ASMT: variants seen among roughly 807,000 people sequenced by gnomAD.
The protein encoded by ASMT is acetylserotonin N-methyltransferase.
ASMT carries 53 observed loss-of-function variants against 41.3 expected under a neutral mutation model. The ratio of observed to expected loss-of-function variants is 1.28; its 90% CI spans 1.03 to 1.61. The LOEUF (loss-of-function observed/expected upper bound fraction) is 1.61. Ranked by LOEUF, ASMT falls within the 40% of genes most tolerant of loss-of-function variation. The probability of loss-of-function intolerance (pLI) is 0.00; values close to 1 mark genes in which losing one functional copy is unlikely to be tolerated. For missense variants in ASMT, 531 were observed against 441.3 expected (o/e 1.20, Z -1.82); for synonymous variants, 231 against 184.8 (o/e 1.25, Z -2.03).
chrX:1,632,974 A>G (rs1170288059), intron 6 of ASMT, 176 bp from the exon 7 acceptor site: 2 of 190,848 alleles, frequency 1.0e-5, no homozygotes, highest in Admixed American at 1.3e-4. Flanking sequence ...ACAAAACCGC[A>G]TGTTCTGCAC....
In ASMT at chrX:1,633,298, T is replaced by C. The variant is rs1256659246; in HGVS notation, c.787+8T>C. On this transcript the variant is annotated splice_region_variant and intron_variant, in intron 7 of 8. Coordinates refer to ENST00000381241, the MANE Select transcript of ASMT (RefSeq NM_001171038.2). Reference sequence around the variant, plus strand: ...AGATTGACTTCCAGGAAGGTGTGTTTGTGTCCGTGGGGAAGCAGAGATGTG... The same window carrying C: ...AGATTGACTTCCAGGAAGGTGTGTTCGTGTCCGTGGGGAAGCAGAGATGTG... The C allele has an allele frequency of 6.2e-7, 1 of 1,613,898 alleles. No individual in the cohort carries two copies. The highest frequency in any genetic ancestry group is 2.2e-5 in the East Asian group (1 of 44,874).
intron 1 of ASMT, among the ~76,000 whole-genome samples, chrX:1,617,083 G>C (rs1381617084): frequency 1.3e-5 from 2 of 152,160 alleles, no homozygotes; most frequent in Non-Finnish European, 1.5e-5. Context: ...TGAGGCGGGA[G>C]GATCGCTTAA....
intron 5 of ASMT, among the ~76,000 whole-genome samples, chrX:1,630,241 C>T (rs1158320139): frequency 6.6e-6 from 1 of 151,310 alleles, no homozygotes; most frequent in African/African-American, 2.4e-5. Context: ...TCAAGCGATT[C>T]TCCTGCCTCA....
chrX:1,616,460 A>ACT (rs1569368163), intron 1 of ASMT, among the ~76,000 whole-genome samples: 1 of 151,166 alleles, frequency 6.6e-6, no homozygotes, highest in Non-Finnish European at 1.5e-5. Context: ...CTGCGGAGGG[A>ACT]GTGTTTAACG....
At chrX:1,626,499 G>T (rs769798198) in intron 3 of ASMT, among the ~76,000 whole-genome samples, 1 of 152,162 alleles carries the variant, frequency 6.6e-6, no homozygotes. Context: ...CTCCCAGAGT[G>T]TTAGGATTAT....
chrX:1,616,025 C>T (rs1459475164), intron 1 of ASMT, among the ~76,000 whole-genome samples: 1 of 143,796 alleles, frequency 7.0e-6, no homozygotes, highest in East Asian at 2.1e-4. Flanking sequence ...AGCAACACCT[C>T]ATTCCTTTTT....
intron 4 of ASMT, among the ~76,000 whole-genome samples, chrX:1,628,227 A>G (rs1220148466): frequency 1.3e-5 from 2 of 152,218 alleles, no homozygotes; most frequent in Non-Finnish European, 2.9e-5. Flanking sequence ...AGGCTGAGGC[A>G]GGAGAACTGC....
chrX:1,615,930 G>GTA (rs200302651), intron 1 of ASMT, among the ~76,000 whole-genome samples: 9,864 of 152,144 alleles, frequency 0.065, 362 homozygotes, highest in Non-Finnish European at 0.078. Context: ...TGATAGAGTA[G>GTA]TATATGTGGT....
In ASMT at chrX:1,629,931, A is replaced by C. The variant is rs1385321044; in HGVS notation, c.554A>C (p.Asp185Ala). Reference protein sequence around the residue: ...FDLSVFPLMCDLGGTWIKLET... With the variant: ...FDLSVFPLMCALGGTWIKLET... ...CTGTCAGTGTTCCCACTTATGTGTG[A>C]CCTTGGTGGTAAGTACCCCTCACCA... Residue 185 changes from aspartate to alanine, a missense_variant, in exon 5 of 9, where the codon GAC (aspartate) becomes GCC (alanine). Transcript: ENST00000381241. The C allele has an allele frequency of 6.2e-7, 1 of 1,613,736 alleles. No homozygotes were observed. The highest frequency in any genetic ancestry group is 1.7e-5 in the Admixed American group (1 of 59,990).
chrX:1,623,350 T>C (rs1292471090), intron 2 of ASMT, 37 bp downstream of exon 2: 8 of 1,612,440 alleles, frequency 5.0e-6, no homozygotes, highest in Non-Finnish European at 6.8e-6. Context: ...GCATTTTACA[T>C]AGACACCCTC....
chrX:1,621,464 C>T (rs1325528246), intron 1 of ASMT, among the ~76,000 whole-genome samples: 1 of 151,354 alleles, frequency 6.6e-6, no homozygotes, highest in Non-Finnish European at 1.5e-5. Flanking sequence ...ACTACAGGCT[C>T]ACACCACCAT....
intron 3 of ASMT, among the ~76,000 whole-genome samples, chrX:1,627,225 C>G (rs1286588553): frequency 6.9e-6 from 1 of 145,874 alleles, no homozygotes; most frequent in Non-Finnish European, 1.5e-5. Flanking sequence ...ACTCGGGAGG[C>G]TGAGGTAGGA....
intron 7 of ASMT, among the ~76,000 whole-genome samples, chrX:1,633,540 G>A (rs1257959932): frequency 6.1e-4 from 92 of 151,908 alleles, no homozygotes; most frequent in Admixed American, 2.0e-3. Context: ...CAGTGGTGCA[G>A]TCTCGGCTCA....
intron 1 of ASMT, among the ~76,000 whole-genome samples, chrX:1,615,681 A>T (rs1330660926): frequency 6.6e-6 from 1 of 151,958 alleles, no homozygotes. Context: ...ACATGCCTAT[A>T]ATCCCAGCTA....
Position 1,624,327 on chromosome X carries a change from A to T in ASMT, c.303A>T (p.Ser101=). The change falls in exon 3 of 9, where the codon TCA becomes TCT. Residue 101 remains serine, a synonymous_variant. Transcript: ENST00000381241. ...SDYLTTVSPT[S]QCSMLKYMGR... ...ACCTGACCACGGTCAGCCCGACGTC[A>T]CAATGCAGCATGCTGAAGTACATGG... is the stretch of plus-strand genomic sequence containing the variant. 1 of 1,613,972 alleles carries T rather than the reference A, an allele frequency of 6.2e-7. No individual in the cohort carries two copies. Among genetic ancestry groups the T allele is most frequent in the South Asian group, 1.1e-5 (1 of 91,084 alleles).
At chrX:1,621,787 C>T (rs1287401347) in intron 1 of ASMT, among the ~76,000 whole-genome samples, 3 of 152,112 alleles carry the variant, frequency 2.0e-5, no homozygotes, top group African/African-American at 4.8e-5. Context: ...CCTCTGCCTC[C>T]CGGGTGCAAG....
In ASMT at chrX:1,635,393, CAT is replaced by C. The variant is rs1466472464; in HGVS notation, c.788-1043_788-1042del. 3.9e-5 allele frequency among the ~76,000 whole-genome samples: 6 copies of C among 152,112 alleles called. No homozygotes were observed. The South Asian group carries it at 1.2e-3, about 31-fold the overall frequency. On this transcript the variant is annotated intron_variant, in intron 7 of 8. Transcript: ENST00000381241. ...ACTTGAGCGTTTCACATCGCACACA[CAT>C]AAAGGGTCAGTCTTGCGTATTTACT...
intron 1 of ASMT, among the ~76,000 whole-genome samples, chrX:1,619,631 G>A (rs1387753858): frequency 2.0e-5 from 3 of 148,158 alleles, no homozygotes; most frequent in Non-Finnish European, 4.5e-5. Flanking sequence ...CAAAGTTAGC[G>A]TACCCTTAAC....
In ASMT at chrX:1,628,278, A is replaced by G. The variant is rs183197720; in HGVS notation, c.443+507A>G. Reference sequence around the variant, plus strand: ...GGAGGTTGCGGTGATCTGAGATCGCACCACTGCACTCCAGCCTGGGCAACA... The same window carrying G: ...GGAGGTTGCGGTGATCTGAGATCGCGCCACTGCACTCCAGCCTGGGCAACA... On this transcript the variant is annotated intron_variant, in intron 4 of 8. Transcript: ENST00000381241. 7.7e-3 allele frequency among the ~76,000 whole-genome samples: 1,172 copies of G among 152,262 alleles called. 16 individuals carry two copies. Among genetic ancestry groups the G allele is most frequent in the African/African-American group, 0.026 (1,092 of 41,550 alleles).
Sources: allele counts gnomAD v4.1 joint callset (sites outside exome capture counted in the v4.1 genomes callset), GRCh38; gene constraint gnomAD v4.1.1; transcripts MANE v1.5; gene names NCBI Gene and HGNC (gene_info 2026-07-23, HGNC 2026-07-21).